The following FOXP2 variants were observed in gnomAD, a reference collection of about 807,000 sequenced individuals.
The protein encoded by FOXP2 is forkhead box protein P2.
FOXP2 carries 12 observed loss-of-function variants against 115.8 expected under a neutral mutation model. The ratio of observed to expected loss-of-function variants is 0.10; its 90% CI spans 0.07 to 0.17. The LOEUF (loss-of-function observed/expected upper bound fraction) is 0.17, where lower values mean the gene tolerates loss of function less well. FOXP2 is among the 10% of genes least tolerant of loss of function. FOXP2 has a pLI of 1.00. For synonymous variants in FOXP2, 328 were observed against 297.7 expected, an observed-to-expected ratio of 1.10 and a Z score of -1.05; for missense variants, 629 against 843.5, an observed-to-expected ratio of 0.75 and a Z score of 3.15.
At chr7:114,677,536 A>T (rs1425241189) in intron 16 of FOXP2, among the ~76,000 whole-genome samples, 1 of 152,228 alleles carries the variant, frequency 6.6e-6, no homozygotes, top group Non-Finnish European at 1.5e-5. Context: ...TACTCTAGGG[A>T]ATACACTGTG....
intron 1 of FOXP2, among the ~76,000 whole-genome samples, chr7:114,236,998 A>G (rs1795025149): frequency 6.6e-6 from 1 of 152,162 alleles, no homozygotes. Flanking sequence ...AAATAAAAAT[A>G]CTAAAGTCAA....
chr7:114,670,858 A>G (rs765017991), intron 16 of FOXP2, among the ~76,000 whole-genome samples: 2 of 152,020 alleles, frequency 1.3e-5, no homozygotes, highest in African/African-American at 2.4e-5. Flanking sequence ...GTGACTGACA[A>G]CTTGAGCAAA....
At chr7:114,130,476 AC>A (rs972731584) in intron 1 of FOXP2, among the ~76,000 whole-genome samples, 3 of 152,202 alleles carry the variant, frequency 2.0e-5, no homozygotes, top group African/African-American at 7.2e-5. Flanking sequence ...GATTGAGGAA[AC>A]AGAATTAGGA....
At chr7:114,209,345 A>G (rs1041526207) in intron 1 of FOXP2, among the ~76,000 whole-genome samples, 1 of 152,206 alleles carries the variant, frequency 6.6e-6, no homozygotes, top group African/African-American at 2.4e-5. Context: ...AGTCTTGGGT[A>G]TGTCGTTATT....
At chr7:114,086,399 C>A (rs1244374312), upstream of FOXP2, 5 of 352,926 alleles carry the variant, frequency 1.4e-5, no homozygotes, top group Non-Finnish European at 2.8e-5. Context: ...CCCCGCGCCA[C>A]CCGCAGCCCG....
At chr7:114,365,233 T>C (rs1791849337) in intron 2 of FOXP2, among the ~76,000 whole-genome samples, 1 of 152,158 alleles carries the variant, frequency 6.6e-6, no homozygotes, top group African/African-American at 2.4e-5. Flanking sequence ...TTGTAAGAGG[T>C]GACCTTAGCA....
intron 13 of FOXP2, among the ~76,000 whole-genome samples, chr7:114,661,364 T>A (rs1283338518): frequency 5.9e-5 from 9 of 152,074 alleles, no homozygotes; most frequent in Admixed American, 5.9e-4. Context: ...ATTACTCTAA[T>A]ACAAAGCTGC....
At position 114,640,489 on chromosome 7, in the gene FOXP2, A is replaced by G. The variant is rs370905779; in HGVS notation, c.776-1921A>G. On this transcript the variant is annotated intron_variant, in intron 6 of 16. Transcript: ENST00000350908. Reference sequence around the variant, plus strand: ...CTATTTAAGGTTAATGCTGTGATGAATAATATAACCAGAAGTTATGTTTGG... The same window carrying G: ...CTATTTAAGGTTAATGCTGTGATGAGTAATATAACCAGAAGTTATGTTTGG... Among the ~76,000 whole-genome samples the G allele has an allele frequency of 3.9e-5, 6 of 152,310 alleles. No homozygotes were observed. In the South Asian group the frequency reaches 1.0e-3, roughly 26 times the overall value.
intron 3 of FOXP2, among the ~76,000 whole-genome samples, chr7:114,576,589 G>C (rs1160474805): frequency 1.3e-5 from 2 of 151,780 alleles, no homozygotes; most frequent in African/African-American, 4.8e-5. Context: ...TTTTGTTGTT[G>C]TTAATATATT....
intron 2 of FOXP2, among the ~76,000 whole-genome samples, chr7:114,352,758 A>T (rs1247929482): frequency 6.6e-6 from 1 of 151,986 alleles, no homozygotes; most frequent in African/African-American, 2.4e-5. Context: ...ATACAGTCAC[A>T]TTCTGAGGTA....
intron 2 of FOXP2, among the ~76,000 whole-genome samples, chr7:114,346,600 A>G (rs1456917533): frequency 2.6e-5 from 4 of 151,958 alleles, no homozygotes; most frequent in Non-Finnish European, 5.9e-5. Context: ...CAGCCGTAAA[A>G]TAGTGAAATC....
At chr7:114,462,006 C>A (rs767092124) in intron 2 of FOXP2, among the ~76,000 whole-genome samples, 3 of 152,070 alleles carry the variant, frequency 2.0e-5, no homozygotes, top group Non-Finnish European at 4.4e-5. Flanking sequence ...CACCGCCGGG[C>A]GCAGTGGCTG....
At chr7:114,234,407 G>A (rs2129166421) in intron 1 of FOXP2, among the ~76,000 whole-genome samples, 1 of 152,140 alleles carries the variant, frequency 6.6e-6, no homozygotes, top group Admixed American at 6.5e-5. Context: ...TTTTTAACTA[G>A]GAAAAAATAA....
chr7:114,270,131 A>G (rs1051849180), intron 1 of FOXP2, among the ~76,000 whole-genome samples: 2 of 152,192 alleles, frequency 1.3e-5, no homozygotes, highest in Non-Finnish European at 2.9e-5. Flanking sequence ...AGGTTTTTCC[A>G]TGTCTTTCCA....
intron 2 of FOXP2, among the ~76,000 whole-genome samples, chr7:114,467,799 G>T (rs1488411216): frequency 6.6e-6 from 1 of 152,172 alleles, no homozygotes; most frequent in Non-Finnish European, 1.5e-5. Flanking sequence ...AGCATTAACA[G>T]TAAGGTAGTA....
intron 1 of FOXP2, among the ~76,000 whole-genome samples, chr7:114,131,251 C>T (rs911182707): frequency 3.3e-5 from 5 of 152,120 alleles, no homozygotes; most frequent in Non-Finnish European, 5.9e-5. Context: ...CTAATTATCT[C>T]CATCAGTATG....
At chr7:114,344,932 TCC>T (rs1174240140) in intron 2 of FOXP2, among the ~76,000 whole-genome samples, 1 of 151,688 alleles carries the variant, frequency 6.6e-6, no homozygotes, top group Non-Finnish European at 1.5e-5. Flanking sequence ...AACCACCATT[TCC>T]CTTTTCATTT....
chr7:114,473,072 G>T (rs1479376425), intron 2 of FOXP2, among the ~76,000 whole-genome samples: 1 of 152,126 alleles, frequency 6.6e-6, no homozygotes, highest in Admixed American at 6.5e-5. Flanking sequence ...TCTAAGCTTG[G>T]AATGAGTAAG....
chr7:114,524,767 A>C (rs868615100), intron 2 of FOXP2, among the ~76,000 whole-genome samples: 4 of 152,170 alleles, frequency 2.6e-5, no homozygotes, highest in Middle Eastern at 3.4e-3. Context: ...CTTACAGTAC[A>C]TTTCTACATT....
Sources: allele counts gnomAD v4.1 joint callset (sites outside exome capture counted in the v4.1 genomes callset), GRCh38; gene constraint gnomAD v4.1.1; transcripts MANE v1.5; gene names NCBI Gene and HGNC (gene_info 2026-07-23, HGNC 2026-07-21).